Variants in CPQ observed in about 807,000 individuals in gnomAD.
CPQ encodes carboxypeptidase Q.
In CPQ, 37 loss-of-function variants were observed where a neutral mutation model predicts 45.7. The ratio of observed to expected loss-of-function variants is 0.81; its 90% confidence interval spans 0.62 to 1.07. The LOEUF (loss-of-function observed/expected upper bound fraction) is 1.07. CPQ is among the 50% of genes least tolerant of loss of function. CPQ has a pLI of 0.00. For synonymous variants in CPQ, 186 were observed against 205.8 expected, an observed-to-expected ratio of 0.90 and a Z score of 0.82; for missense variants, 537 against 572.9, an observed-to-expected ratio of 0.94 and a Z score of 0.64.
intron 4 of CPQ, among the ~76,000 whole-genome samples, chr8:96,923,657 C>G (rs914224341): frequency 6.6e-6 from 1 of 152,148 alleles, no homozygotes; most frequent in Non-Finnish European, 1.5e-5. Flanking sequence ...CACCATTTCC[C>G]TGGCCAAGCT....
At chr8:97,071,571 C>A (rs530488383) in intron 7 of CPQ, among the ~76,000 whole-genome samples, 10 of 152,296 alleles carry the variant, frequency 6.6e-5, no homozygotes, top group African/African-American at 2.4e-4. Flanking sequence ...CTCTCCACCC[C>A]ACAGACCTTG....
chr8:97,082,886 T>C (rs1171246129), intron 7 of CPQ, among the ~76,000 whole-genome samples: 3 of 152,212 alleles, frequency 2.0e-5, no homozygotes, highest in East Asian at 3.9e-4. Context: ...TCTCTACAGC[T>C]ACTCTAACGT....
At chr8:96,787,384 C>A in intron 2 of CPQ, among the ~76,000 whole-genome samples, 1 of 152,002 alleles carries the variant, frequency 6.6e-6, no homozygotes, top group East Asian at 1.9e-4. Flanking sequence ...ACAAACCTTG[C>A]ATTACTGGGA....
chr8:96,754,252 G>A lies in CPQ; in HGVS notation c.-34-30612G>A, dbSNP rs138667522. On this transcript the variant is annotated intron_variant, in intron 1 of 7. Transcript: ENST00000220763. ...TGGTCAAATACACTTGAGAAAGGCAGATTAAAACATTTTAACAAATTTCTT... is the reference window on the plus strand; with the variant it reads ...TGGTCAAATACACTTGAGAAAGGCAAATTAAAACATTTTAACAAATTTCTT... Among the ~76,000 whole-genome samples the A allele has an allele frequency of 3.0e-3, 455 of 152,122 alleles. 8 individuals carry two copies. Among genetic ancestry groups the A allele is most frequent in the Non-Finnish European group, 2.9e-3 (195 of 67,912 alleles).
intron 2 of CPQ, among the ~76,000 whole-genome samples, chr8:96,793,104 C>G (rs1810872000): frequency 6.6e-6 from 1 of 151,912 alleles, no homozygotes; most frequent in Non-Finnish European, 1.5e-5. Context: ...AAGCCATATA[C>G]ATAATGAATG....
At chr8:96,744,859 G>A (rs546823054) in intron 1 of CPQ, among the ~76,000 whole-genome samples, 11 of 152,118 alleles carry the variant, frequency 7.2e-5, no homozygotes, top group Non-Finnish European at 1.3e-4. Flanking sequence ...ATCTTATAAT[G>A]GTTTGGACTG....
At chr8:96,711,925 C>T (rs1244794405) in intron 1 of CPQ, among the ~76,000 whole-genome samples, 1 of 152,148 alleles carries the variant, frequency 6.6e-6, no homozygotes, top group East Asian at 1.9e-4. Flanking sequence ...TCTCATCTGA[C>T]AAGGCAAGTC....
At chr8:96,715,338 C>G (rs535534260) in intron 1 of CPQ, among the ~76,000 whole-genome samples, 1 of 152,290 alleles carries the variant, frequency 6.6e-6, no homozygotes, top group Non-Finnish European at 1.5e-5. Flanking sequence ...AGTCATACTC[C>G]TGACCCAGTG....
At chr8:97,040,893 A>G (rs1230143214) in intron 6 of CPQ, among the ~76,000 whole-genome samples, 3 of 152,104 alleles carry the variant, frequency 2.0e-5, no homozygotes, top group Non-Finnish European at 4.4e-5. Context: ...GTAGCCTTGT[A>G]GTATAGTTTG....
intron 4 of CPQ, among the ~76,000 whole-genome samples, chr8:96,929,905 G>A (rs1386352730): frequency 6.6e-6 from 1 of 152,140 alleles, no homozygotes; most frequent in Non-Finnish European, 1.5e-5. Context: ...CATTTTCTGT[G>A]TACTAAGAAC....
chr8:97,006,162 T>C (rs1809377657), intron 5 of CPQ, among the ~76,000 whole-genome samples: 1 of 152,202 alleles, frequency 6.6e-6, no homozygotes, highest in South Asian at 2.1e-4. Flanking sequence ...TTATTTGCTC[T>C]TGTAGAATAA....
chr8:96,774,907 C>T (rs968627017), intron 1 of CPQ, among the ~76,000 whole-genome samples: 4 of 152,166 alleles, frequency 2.6e-5, no homozygotes, highest in East Asian at 1.9e-4. Flanking sequence ...TTCAGATACA[C>T]GGCACAGAAA....
chr8:96,692,960 A>T (rs1395259848), intron 1 of CPQ, among the ~76,000 whole-genome samples: 2 of 152,140 alleles, frequency 1.3e-5, no homozygotes, highest in African/African-American at 2.4e-5. Context: ...GGAATTCAGA[A>T]TCCTATCAGA....
intron 3 of CPQ, among the ~76,000 whole-genome samples, chr8:96,877,968 T>G (rs959812065): frequency 2.0e-5 from 3 of 148,120 alleles, no homozygotes; most frequent in Admixed American, 1.3e-4. Context: ...TTTTCTTTTC[T>G]TTTTTTTTTT....
chr8:97,044,704 A>G (rs1271781606), intron 6 of CPQ, among the ~76,000 whole-genome samples: 1 of 152,300 alleles, frequency 6.6e-6, no homozygotes, highest in South Asian at 2.1e-4. Flanking sequence ...CTTCTAACAG[A>G]CAGGACCCTC....
intron 1 of CPQ, among the ~76,000 whole-genome samples, chr8:96,757,212 G>C (rs552778063): frequency 6.6e-6 from 1 of 151,894 alleles, no homozygotes; most frequent in Non-Finnish European, 1.5e-5. Flanking sequence ...TTAGCTGGGC[G>C]TCGTGGCGCA....
In CPQ at chr8:96,903,572, C is replaced by T. The variant is rs564964796; in HGVS notation, c.849+23567C>T. Among the ~76,000 whole-genome samples the T allele has an allele frequency of 2.9e-4, 44 of 152,194 alleles. 1 individual carries two copies. The South Asian group carries it at 8.3e-3, about 29-fold the overall frequency. On this transcript the variant is annotated intron_variant, in intron 4 of 7. Coordinates refer to ENST00000220763, the MANE Select transcript of CPQ (RefSeq NM_016134.4). ...TCATGTTGCTAATAGCAAAAATAGC[C>T]GCTATTTTCTGAACACTTAAATATA...
At chr8:97,058,924 TA>T (rs1810500661) in intron 6 of CPQ, among the ~76,000 whole-genome samples, 1 of 152,162 alleles carries the variant, frequency 6.6e-6, no homozygotes, top group Non-Finnish European at 1.5e-5. Flanking sequence ...TTGCATTTTT[TA>T]AAAAAGCATA....
At chr8:96,854,908 T>A (rs1811826668) in intron 3 of CPQ, among the ~76,000 whole-genome samples, 1 of 152,208 alleles carries the variant, frequency 6.6e-6, no homozygotes, top group Non-Finnish European at 1.5e-5. Flanking sequence ...CCACACAGTC[T>A]GACTGATTTT....
Sources: gnomAD v4.1 joint callset for allele counts (sites outside exome capture counted in the v4.1 genomes callset) on GRCh38, gnomAD v4.1.1 for gene constraint, MANE v1.5 for transcripts, NCBI Gene and HGNC (gene_info 2026-07-23, HGNC 2026-07-21) for gene names.